The following KCNQ1 variants were observed in gnomAD, a reference collection of about 807,000 sequenced individuals.
KCNQ1 encodes the protein potassium voltage-gated channel subfamily Q member 1.
A neutral mutation model predicts 72.4 loss-of-function variants in KCNQ1; 49 were observed. The observed-to-expected ratio is 0.68, with a 90% CI of 0.54 to 0.86. KCNQ1 has a LOEUF of 0.86. KCNQ1 is among the 40% of genes least tolerant of loss of function. The pLI, the probability that KCNQ1 is intolerant of heterozygous loss-of-function variation, is 0.00. For synonymous variants in KCNQ1, 450 were observed against 412.6 expected (o/e 1.09, Z -1.10); for missense variants, 790 against 945.1 (o/e 0.84, Z 2.15).
intron 1 of KCNQ1, among the ~76,000 whole-genome samples, chr11:2,504,676 G>T (rs942515115): frequency 2.0e-5 from 3 of 152,190 alleles, no homozygotes; most frequent in African/African-American, 7.2e-5. Context: ...AGAATCACTC[G>T]AACTCAGGAG....
At position 2,693,914 on chromosome 11, in the gene KCNQ1, AACCTGGATCCGGTATCCG is replaced by A. The variant is rs1850630785; in HGVS notation, c.1514+31834_1514+31851del. 1.3e-5 allele frequency: 5 copies of A among 398,756 alleles called. No homozygotes were observed. The South Asian group carries it at 6.4e-4, about 51-fold the overall frequency. The allele number at this position is 398,756 out of a possible 1,614,324, so 24.7% of individuals were successfully genotyped here. On this transcript the variant is annotated intron_variant, in intron 11 of 15. Coordinates refer to ENST00000155840, the MANE Select transcript of KCNQ1 (RefSeq NM_000218.3). ...CGTCCTCCTCCTGGAGTGTACTGCA[AACCTGGATCCGGTATCCG>A]CTGAGAACCACTCATTCATCAGTCT...
At chr11:2,681,055 C>A (rs1850388827) in intron 11 of KCNQ1, 1 of 398,384 alleles carries the variant, frequency 2.5e-6, no homozygotes, top group Non-Finnish European at 4.4e-6. Flanking sequence ...AATGTGGGCT[C>A]CAAAAAGAGA....
chr11:2,821,996 G>A (rs780659192), intron 15 of KCNQ1, among the ~76,000 whole-genome samples: 20 of 152,164 alleles, frequency 1.3e-4, no homozygotes, highest in South Asian at 2.1e-4. Context: ...CAGGGGCCCC[G>A]AATGTGATCA....
rs899270192 is a variant in KCNQ1, at chr11:2,772,262, T to A, written c.1590+3343T>A. Reference sequence around the variant, plus strand: ...CCCCACCCCCGCTGGCCTCAGGGGCTGCTGACATGGCAGGTGACCCCTCTG... The same window carrying A: ...CCCCACCCCCGCTGGCCTCAGGGGCAGCTGACATGGCAGGTGACCCCTCTG... On this transcript the variant is annotated intron_variant, in intron 12 of 15. Coordinates refer to ENST00000155840, the MANE Select transcript of KCNQ1 (RefSeq NM_000218.3). This position sits in a 1 kb window ranked among gnomAD's most constrained non-coding sequence, Gnocchi z 6.6. 6.6e-6 allele frequency among the ~76,000 whole-genome samples: 1 copy of A among 152,040 alleles called. No individual in the cohort carries two copies. Among genetic ancestry groups the A allele is most frequent in the African/African-American group, 2.4e-5 (1 of 41,398 alleles).
chr11:2,557,614 G>A (rs773448152), intron 2 of KCNQ1, among the ~76,000 whole-genome samples: 1 of 152,214 alleles, frequency 6.6e-6, no homozygotes, highest in Non-Finnish European at 1.5e-5. Flanking sequence ...AGTATCAGCT[G>A]GGGCTGGAGC....
At chr11:2,662,611 T>C in intron 11 of KCNQ1, 3 of 414,776 alleles carry the variant, frequency 7.2e-6, no homozygotes, top group Middle Eastern at 6.2e-4. Flanking sequence ...CGTCACGGCA[T>C]GGCCAGGCCA....
At chr11:2,629,948 C>G in intron 10 of KCNQ1, 1 of 398,384 alleles carries the variant, frequency 2.5e-6, no homozygotes, top group Non-Finnish European at 4.4e-6. Context: ...GCTAGGACTT[C>G]CAGTACTGTG....
chr11:2,447,246 G>A lies in KCNQ1; in HGVS notation c.386+1762G>A, dbSNP rs1401722875. On this transcript the variant is annotated intron_variant, in intron 1 of 15. Coordinates refer to ENST00000155840, the MANE Select transcript of KCNQ1 (RefSeq NM_000218.3). This position sits in a 1 kb window ranked among gnomAD's most constrained non-coding sequence, Gnocchi z 7.6. ...GTTTGCTCAGCAAGAGTCTACCTTC[G>A]CCCAGCCTCCGCAGAGCTGGCAAGG... Among the ~76,000 whole-genome samples the A allele has an allele frequency of 6.6e-6, 1 of 152,120 alleles. No homozygotes were observed. Among genetic ancestry groups the A allele is most frequent in the East Asian group, 1.9e-4 (1 of 5,188 alleles).
At chr11:2,789,749 G>A (rs1846982097) in intron 15 of KCNQ1, among the ~76,000 whole-genome samples, 1 of 152,236 alleles carries the variant, frequency 6.6e-6, no homozygotes, top group South Asian at 2.1e-4. Context: ...CTTTGTCCAA[G>A]ATTGAGATGC....
intron 1 of KCNQ1, among the ~76,000 whole-genome samples, chr11:2,489,336 C>A (rs1251579768): frequency 6.6e-6 from 1 of 152,196 alleles, no homozygotes; most frequent in Non-Finnish European, 1.5e-5. Context: ...CCACACCCAG[C>A]ACAGAGGGAG....
At chr11:2,804,952 G>A (rs1237467537) in intron 15 of KCNQ1, among the ~76,000 whole-genome samples, 1 of 152,242 alleles carries the variant, frequency 6.6e-6, no homozygotes, top group African/African-American at 2.4e-5. Context: ...GGGAGAGGCA[G>A]CACCACAGTC....
intron 1 of KCNQ1, among the ~76,000 whole-genome samples, chr11:2,476,795 T>TC (rs1353826515): frequency 1.3e-5 from 2 of 151,980 alleles, no homozygotes; most frequent in East Asian, 1.9e-4. Context: ...CAAGCGCTCC[T>TC]CCCCCCTCAG....
intron 10 of KCNQ1, among the ~76,000 whole-genome samples, chr11:2,589,158 G>T (rs1284800281): frequency 2.0e-5 from 3 of 152,202 alleles, no homozygotes; most frequent in Admixed American, 2.0e-4. Context: ...CAGCTGCCTG[G>T]CTTCCTCCCA....
At chr11:2,632,182 C>CA (rs34998500) in intron 10 of KCNQ1, 147,090 of 307,310 alleles carry the variant, frequency 0.48, 26,780 homozygotes, top group Admixed American at 0.59. Flanking sequence ...GACTCTGCCT[C>CA]AAAAAAAAAA....
intron 15 of KCNQ1, among the ~76,000 whole-genome samples, chr11:2,822,258 C>T (rs1393106735): frequency 6.6e-6 from 1 of 152,202 alleles, no homozygotes; most frequent in Non-Finnish European, 1.5e-5. Context: ...TCCAGTGCTG[C>T]AAGATGTCAC....
In KCNQ1 at chr11:2,592,330, C is replaced by T. The variant is rs377648954; in HGVS notation, c.1393+3476C>T. On this transcript the variant is annotated intron_variant, in intron 10 of 15. Coordinates refer to ENST00000155840, the MANE Select transcript of KCNQ1 (RefSeq NM_000218.3). The surrounding 1 kb of genome is among the most constrained non-coding windows in gnomAD (Gnocchi z 5.2). ...ACAGGCAGGTATGGCAGTGGCAGAC[C>T]TCAGGGGAGGGAGGCTGGGAAGGTA... 6.6e-6 allele frequency among the ~76,000 whole-genome samples: 1 copy of T among 152,354 alleles called. No individual in the cohort carries two copies. The highest frequency in any genetic ancestry group is 1.9e-4 in the East Asian group (1 of 5,190).
In KCNQ1 at chr11:2,457,923, A is replaced by G. The variant is rs1846220175; in HGVS notation, c.386+12439A>G. Among the ~76,000 whole-genome samples, 1 of 152,096 alleles carries G rather than the reference A, an allele frequency of 6.6e-6. No individual in the cohort carries two copies. On this transcript the variant is annotated intron_variant, in intron 1 of 15. Transcript: ENST00000155840. This position sits in a 1 kb window ranked among gnomAD's most constrained non-coding sequence, Gnocchi z 5.0. ...CATCCAGGATGACGTTTACTTAAATATCTCTGTTTCCTGGAAAGGCCCAGG... is the reference window on the plus strand; with the variant it reads ...CATCCAGGATGACGTTTACTTAAATGTCTCTGTTTCCTGGAAAGGCCCAGG...
Position 2,668,381 on chromosome 11 carries a change from A to C in KCNQ1, c.1514+6300A>C, listed in dbSNP as rs1401599817. 2 of 398,506 alleles carry C rather than the reference A, an allele frequency of 5.0e-6. No homozygotes were observed. Among genetic ancestry groups the C allele is most frequent in the Non-Finnish European group, 8.8e-6 (2 of 226,072 alleles). 24.7% of individuals were successfully genotyped at this position (398,506 alleles called of 1,614,324 possible). On this transcript the variant is annotated intron_variant, in intron 11 of 15. Coordinates refer to ENST00000155840, the MANE Select transcript of KCNQ1 (RefSeq NM_000218.3). This position sits in a 1 kb window ranked among gnomAD's most constrained non-coding sequence, Gnocchi z 4.3. Reference sequence around the variant, plus strand: ...TGTTTACTCTTAGTGAATACTACCCAGCAGTCTACCAAAGGAGTCATTCCA... The same window carrying C: ...TGTTTACTCTTAGTGAATACTACCCCGCAGTCTACCAAAGGAGTCATTCCA...
chr11:2,717,604 G>A (rs1445537571), intron 11 of KCNQ1, among the ~76,000 whole-genome samples: 1 of 152,188 alleles, frequency 6.6e-6, no homozygotes, highest in Non-Finnish European at 1.5e-5. Flanking sequence ...ACCCAGGAAC[G>A]TTCCTGTCCC....
Sources: gnomAD v4.1 joint callset for allele counts (sites outside exome capture counted in the v4.1 genomes callset) on GRCh38, gnomAD v4.1.1 for gene constraint, Gnocchi (gnomAD v3.1) non-coding constraint, MANE v1.5 for transcripts, NCBI Gene and HGNC (gene_info 2026-07-23, HGNC 2026-07-21) for gene names.